The following ATP2B2 variants were observed in gnomAD, a reference collection of about 807,000 sequenced individuals.
The protein encoded by ATP2B2 is plasma membrane calcium-transporting ATPase 2.
A neutral mutation model predicts 120.0 loss-of-function variants in ATP2B2; 15 were observed. The ratio of observed to expected loss-of-function variants is 0.12; its 90% CI spans 0.08 to 0.19. The LOEUF is 0.19. ATP2B2 is among the 10% of genes least tolerant of loss of function. The pLI, the probability that ATP2B2 is intolerant of heterozygous loss-of-function variation, is 1.00. For missense variants in ATP2B2, 1,045 were observed against 1,719.8 expected (o/e 0.61, Z 6.94); for synonymous variants, 694 against 700.3 (o/e 0.99, Z 0.14).
chr3:10,612,138 C>T (rs1252592172), intron 2 of ATP2B2, among the ~76,000 whole-genome samples: 10 of 152,188 alleles, frequency 6.6e-5, no homozygotes, highest in African/African-American at 2.4e-4. Flanking sequence ...GCTGCATATG[C>T]TCTCTGGCCA....
chr3:10,530,081 G>A (rs978670103), intron 3 of ATP2B2, among the ~76,000 whole-genome samples: 4 of 152,178 alleles, frequency 2.6e-5, no homozygotes, highest in Non-Finnish European at 5.9e-5. Flanking sequence ...TGTCACGGCA[G>A]CCCTCACAAA....
At position 10,379,962 on chromosome 3, in the gene ATP2B2, C is replaced by G. The variant is rs56000639; in HGVS notation, c.1001-678G>C. ...CCAATGCCCCTGAGAGTGACCAGAA[C>G]AAAGAGTGATCAGGGGTCCCCATGG... On this transcript the variant is annotated intron_variant, in intron 8 of 22. Coordinates refer to ENST00000360273, the MANE Select transcript of ATP2B2 (RefSeq NM_001001331.4). 8.6e-3 allele frequency among the ~76,000 whole-genome samples: 1,317 copies of G among 152,256 alleles called. 16 individuals carry two copies. The highest frequency in any genetic ancestry group is 0.03 in the African/African-American group (1,256 of 41,538).
chr3:10,571,539 G>A (rs1390786215), intron 2 of ATP2B2, among the ~76,000 whole-genome samples: 1 of 152,246 alleles, frequency 6.6e-6, no homozygotes, highest in East Asian at 1.9e-4. Context: ...CATGGGCATG[G>A]GACCATCAGT....
chr3:10,632,767 G>A (rs1453310182), intron 1 of ATP2B2, among the ~76,000 whole-genome samples: 1 of 152,232 alleles, frequency 6.6e-6, no homozygotes, highest in Non-Finnish European at 1.5e-5. Context: ...CCTGCACAGG[G>A]TCGGCCACTG....
chr3:10,465,981 G>A (rs1000719249), intron 1 of ATP2B2, among the ~76,000 whole-genome samples: 1 of 152,184 alleles, frequency 6.6e-6, no homozygotes, highest in Non-Finnish European at 1.5e-5. Context: ...TGTTTACAAA[G>A]CTCAGAAGAG....
At chr3:10,521,784 C>G (rs1339650076) in intron 3 of ATP2B2, among the ~76,000 whole-genome samples, 2 of 152,234 alleles carry the variant, frequency 1.3e-5, no homozygotes, top group Non-Finnish European at 2.9e-5. Flanking sequence ...GAAGGAACAA[C>G]AGCATTTCTG....
rs755141561 is a variant in ATP2B2 at position 10,340,508 on chromosome 3, G to A, written c.3114C>T (p.Gly1038=). 1.2e-6 allele frequency: 2 copies of A among 1,614,216 alleles called. No individual in the cohort carries two copies. The highest frequency in any genetic ancestry group is 4.5e-5 in the East Asian group (2 of 44,888). ...RNPIFCTIVL[G]TFAIQIVIVQ... ...GCCTCACTACCTGGATGGCAAAGGT[G>A]CCCAGCACGATGGTGCAGAAGATGG... The change falls in exon 20 of 23, where the codon GGC becomes GGT. Residue 1038 remains glycine, a synonymous_variant. Coordinates refer to ENST00000360273, the MANE Select transcript of ATP2B2 (RefSeq NM_001001331.4). This position sits in a 1 kb window ranked among gnomAD's most constrained non-coding sequence, Gnocchi z 5.0.
chr3:10,567,613 T>A (rs1019375588), intron 2 of ATP2B2, among the ~76,000 whole-genome samples: 1 of 152,184 alleles, frequency 6.6e-6, no homozygotes, highest in African/African-American at 2.4e-5. Flanking sequence ...TTGTGAAAAT[T>A]TCATGAGAAA....
intron 1 of ATP2B2, among the ~76,000 whole-genome samples, chr3:10,484,159 A>C (rs1296167712): frequency 6.6e-6 from 1 of 152,168 alleles, no homozygotes. Flanking sequence ...GGGTTTCCCA[A>C]GGTCCCTGGG....
At chr3:10,332,158 G>A (rs1390629549) in intron 22 of ATP2B2, 1 of 816,846 alleles carries the variant, frequency 1.2e-6, no homozygotes. Flanking sequence ...ACGCTAATGA[G>A]AAGTCCAGCT....
chr3:10,516,834 G>A (rs1167376511), intron 3 of ATP2B2, among the ~76,000 whole-genome samples: 1 of 152,226 alleles, frequency 6.6e-6, no homozygotes, highest in Non-Finnish European at 1.5e-5. Flanking sequence ...TGATGGAAGT[G>A]TCCACCCTGT....
intron 1 of ATP2B2, among the ~76,000 whole-genome samples, chr3:10,624,256 C>G (rs564543073): frequency 6.6e-6 from 1 of 152,338 alleles, no homozygotes; most frequent in African/African-American, 2.4e-5. Flanking sequence ...CCTTCCTGCT[C>G]TGTCATTCAG....
At chr3:10,673,096 G>A (rs1283824083) in intron 1 of ATP2B2, among the ~76,000 whole-genome samples, 8 of 152,170 alleles carry the variant, frequency 5.3e-5, no homozygotes, top group African/African-American at 9.7e-5. Flanking sequence ...GCTTAGGAAT[G>A]TTGTGAGGCT....
chr3:10,662,739 T>C (rs1267361497), intron 1 of ATP2B2, among the ~76,000 whole-genome samples: 4 of 152,006 alleles, frequency 2.6e-5, no homozygotes, highest in African/African-American at 9.7e-5. Flanking sequence ...ATCCCATTAC[T>C]GGGTATATAC....
intron 2 of ATP2B2, among the ~76,000 whole-genome samples, chr3:10,433,054 T>C (rs1194468033): frequency 6.6e-6 from 1 of 152,122 alleles, no homozygotes; most frequent in African/African-American, 2.4e-5. Flanking sequence ...CAGAGGCCAG[T>C]GAAGCTGTCT....
At chr3:10,461,015 A>C (rs1411498397) in intron 1 of ATP2B2, among the ~76,000 whole-genome samples, 1 of 152,212 alleles carries the variant, frequency 6.6e-6, no homozygotes. Flanking sequence ...CAGGAAGCTA[A>C]GGCTTGGAGG....
At chr3:10,544,277 C>T (rs983306488) in intron 2 of ATP2B2, among the ~76,000 whole-genome samples, 3 of 152,078 alleles carry the variant, frequency 2.0e-5, no homozygotes, top group African/African-American at 7.2e-5. Flanking sequence ...TGCCACTCAC[C>T]ACAAATAGGA....
At chr3:10,435,661 G>T (rs1016861854) in intron 2 of ATP2B2, among the ~76,000 whole-genome samples, 5 of 152,162 alleles carry the variant, frequency 3.3e-5, no homozygotes, top group African/African-American at 1.2e-4. Context: ...CAGGTGGGCA[G>T]GAGGTTTAGC....
chr3:10,411,453 C>T (rs368422578), intron 2 of ATP2B2, among the ~76,000 whole-genome samples: 186 of 152,324 alleles, frequency 1.2e-3, no homozygotes, highest in African/African-American at 4.3e-3. Context: ...CCTACAGCCG[C>T]CTTGCGCTGG....
Sources: gnomAD v4.1 joint callset for allele counts (sites outside exome capture counted in the v4.1 genomes callset) on GRCh38, gnomAD v4.1.1 for gene constraint, Gnocchi (gnomAD v3.1) non-coding constraint, MANE v1.5 for transcripts, NCBI Gene and HGNC (gene_info 2026-07-23, HGNC 2026-07-21) for gene names.